UTS2B: variants seen among roughly 807,000 people sequenced by gnomAD.
The protein encoded by UTS2B is urotensin 2B, also known as urotensin-2B.
UTS2B carries 21 observed loss-of-function variants against 19.2 expected under a neutral mutation model. That is an observed-to-expected ratio of 1.09 (90% CI 0.78 to 1.58). UTS2B has a LOEUF of 1.58. UTS2B is among the 40% of genes most tolerant of loss of function. The pLI is 0.00. For missense variants in UTS2B, 138 were observed against 130.3 expected (o/e 1.06, Z -0.29); for synonymous variants, 57 against 50.2 (o/e 1.14, Z -0.58).
intron 4 of UTS2B, among the ~76,000 whole-genome samples, chr3:191,292,039 G>C (rs1320663763): frequency 6.6e-6 from 1 of 151,356 alleles, no homozygotes; most frequent in Non-Finnish European, 1.5e-5. Flanking sequence ...ACTTCTAATG[G>C]TCTATTGTGA....
intron 4 of UTS2B, 145 bp from the exon 5 acceptor site, chr3:191,282,458 G>A (rs550261061): frequency 6.6e-5 from 21 of 320,586 alleles, no homozygotes; most frequent in African/African-American, 3.4e-4. Context: ...TCTCATACCC[G>A]CCCACTTCAC....
chr3:191,319,381 C>A (rs1717550260), intron 2 of UTS2B, among the ~76,000 whole-genome samples: 1 of 152,154 alleles, frequency 6.6e-6, no homozygotes, highest in South Asian at 2.1e-4. Flanking sequence ...GGACATTTAT[C>A]TGTAATAAAT....
At chr3:191,270,493 C>T (rs1014923028) in intron 8 of UTS2B, among the ~76,000 whole-genome samples, 1 of 152,176 alleles carries the variant, frequency 6.6e-6, no homozygotes, top group African/African-American at 2.4e-5. Context: ...CCACTGGTAC[C>T]TGACCTACAA....
intron 3 of UTS2B, among the ~76,000 whole-genome samples, chr3:191,312,394 G>A (rs1303786700): frequency 6.6e-6 from 1 of 152,118 alleles, no homozygotes; most frequent in East Asian, 1.9e-4. Context: ...CTTTATGTTG[G>A]GCTGTTTTCT....
chr3:191,306,760 A>C (rs796703966), intron 3 of UTS2B, among the ~76,000 whole-genome samples: 24 of 152,264 alleles, frequency 1.6e-4, no homozygotes, highest in African/African-American at 5.8e-4. Context: ...CAGCCTCCTG[A>C]ATAGCTGGGG....
At chr3:191,314,640 G>A (rs182077981) in intron 3 of UTS2B, among the ~76,000 whole-genome samples, 1 of 152,224 alleles carries the variant, frequency 6.6e-6, no homozygotes, top group Non-Finnish European at 1.5e-5. Flanking sequence ...TGCAAGGGTG[G>A]GGCTGGTAAT....
At chr3:191,293,000 C>T (rs571790704) in intron 4 of UTS2B, among the ~76,000 whole-genome samples, 1 of 150,746 alleles carries the variant, frequency 6.6e-6, no homozygotes, top group East Asian at 1.9e-4. Flanking sequence ...AAGACCTCGT[C>T]TTAAAAAAAA....
the UTS2B span, among the ~76,000 whole-genome samples, chr3:191,337,146 T>G: frequency 1.3e-5 from 2 of 151,804 alleles, no homozygotes; most frequent in South Asian, 4.2e-4. Flanking sequence ...AGCTTAAATT[T>G]TTTGCGACCT....
At chr3:191,335,038 G>A (rs1019776305), upstream of UTS2B, among the ~76,000 whole-genome samples, 30 of 152,146 alleles carry the variant, frequency 2.0e-4, no homozygotes, top group Admixed American at 1.4e-3. Flanking sequence ...TTTAAAGGTA[G>A]AAACTCTAAA....
intron 4 of UTS2B, among the ~76,000 whole-genome samples, chr3:191,298,841 G>A (rs1372185275): frequency 6.6e-6 from 1 of 152,178 alleles, no homozygotes; most frequent in African/African-American, 2.4e-5. Flanking sequence ...TATCGACAGT[G>A]AAGTCCAGGA....
chr3:191,272,364 T>G (rs1456126801), intron 8 of UTS2B, among the ~76,000 whole-genome samples: 1 of 152,202 alleles, frequency 6.6e-6, no homozygotes, highest in African/African-American at 2.4e-5. Flanking sequence ...GCAAAATAAG[T>G]GCTAAAACTC....
chr3:191,301,632 G>A (rs948742157), intron 4 of UTS2B, among the ~76,000 whole-genome samples: 5 of 151,672 alleles, frequency 3.3e-5, no homozygotes, highest in African/African-American at 7.3e-5. Context: ...GACCACAGGC[G>A]CCCGCCACCA....
chr3:191,280,939 G>T (rs1430550132), intron 5 of UTS2B, among the ~76,000 whole-genome samples: 1 of 152,090 alleles, frequency 6.6e-6, no homozygotes, highest in African/African-American at 2.4e-5. Context: ...ATAAAATCCA[G>T]AATCTTTGAT....
intron 3 of UTS2B, among the ~76,000 whole-genome samples, chr3:191,312,077 G>A (rs1426300531): frequency 6.6e-6 from 1 of 151,706 alleles, no homozygotes; most frequent in Non-Finnish European, 1.5e-5. Context: ...ACTTGAACCT[G>A]AGAGGTGGAG....
chr3:191,334,389 A>G (rs1718077368), upstream of UTS2B, among the ~76,000 whole-genome samples: 1 of 152,206 alleles, frequency 6.6e-6, no homozygotes, highest in African/African-American at 2.4e-5. Flanking sequence ...TTTGTAAAAT[A>G]TATATTTTTT....
the UTS2B span, among the ~76,000 whole-genome samples, chr3:191,342,237 G>C: frequency 6.6e-6 from 1 of 152,216 alleles, no homozygotes; most frequent in African/African-American, 2.4e-5. Context: ...GGAATTGCCA[G>C]TATTGCAGTT....
intron 4 of UTS2B, among the ~76,000 whole-genome samples, chr3:191,303,800 C>T (rs1430065225): frequency 2.0e-5 from 3 of 152,124 alleles, no homozygotes; most frequent in South Asian, 2.1e-4. Context: ...CAGTTGTCTG[C>T]GGAGTATCAC....
chr3:191,281,838 C>T, intron 5 of UTS2B, among the ~76,000 whole-genome samples: 1 of 151,566 alleles, frequency 6.6e-6, no homozygotes, highest in Non-Finnish European at 1.5e-5. Context: ...AAAAAATAAA[C>T]TATAGTTGAA....
intron 4 of UTS2B, among the ~76,000 whole-genome samples, chr3:191,299,666 AGTGTGGGGGT>A (rs1436227302): frequency 1.3e-5 from 2 of 152,258 alleles, no homozygotes; most frequent in East Asian, 3.8e-4. Flanking sequence ...GCAGAGGGGA[AGTGTGGGGGT>A]GGAACCCCCA....
Sources: gnomAD v4.1 joint callset for allele counts (sites outside exome capture counted in the v4.1 genomes callset) on GRCh38, gnomAD v4.1.1 for gene constraint, MANE v1.5 for transcripts, NCBI Gene and HGNC (gene_info 2026-07-23, HGNC 2026-07-21) for gene names.